Variants in RPH3AL observed in about 807,000 individuals in gnomAD.
RPH3AL encodes the protein rab effector Noc2.
RPH3AL carries 38 observed loss-of-function variants against 43.1 expected under a neutral mutation model. That is an observed-to-expected ratio of 0.88 (90% CI 0.68 to 1.15). The LOEUF (loss-of-function observed/expected upper bound fraction) is 1.15, where lower values mean the gene tolerates loss of function less well. Ranked by LOEUF, RPH3AL falls within the 50% of genes most tolerant of loss-of-function variation. RPH3AL has a pLI of 0.00. For missense variants in RPH3AL, 462 were observed against 423.2 expected (o/e 1.09, Z -0.81); for synonymous variants, 189 against 176.3 (o/e 1.07, Z -0.57).
chr17:290,279 A>G lies in RPH3AL; in HGVS notation c.352-8425T>C, dbSNP rs9905901. 0.97 allele frequency among the ~76,000 whole-genome samples: 148,080 copies of G among 152,266 alleles called. 72,133 individuals carry two copies. The highest frequency in any genetic ancestry group is 1 in the Middle Eastern group (294 of 294). On this transcript the variant is annotated intron_variant, in intron 5 of 9. Transcript: ENST00000331302. This position sits in a 1 kb window ranked among gnomAD's most constrained non-coding sequence, Gnocchi z 4.2. ...AACCAGGGAGAGCCACACAGCGGGCAAGTGTCCGAGGAGGTGGGGTGGTGG... is the reference window on the plus strand; with the variant it reads ...AACCAGGGAGAGCCACACAGCGGGCGAGTGTCCGAGGAGGTGGGGTGGTGG...
At chr17:335,034 G>A (rs1226888425) in intron 1 of RPH3AL, among the ~76,000 whole-genome samples, 1 of 152,228 alleles carries the variant, frequency 6.6e-6, no homozygotes, top group Non-Finnish European at 1.5e-5. Context: ...GACTCCTAGG[G>A]TGTGGCACGA....
At chr17:248,594 G>T (rs555987393) in intron 6 of RPH3AL, among the ~76,000 whole-genome samples, 1 of 152,304 alleles carries the variant, frequency 6.6e-6, no homozygotes, top group African/African-American at 2.4e-5. Flanking sequence ...AACTCACAGG[G>T]TGGGAGGTGC....
chr17:331,881 C>T, intron 2 of RPH3AL: 1 of 1,288,840 alleles, frequency 7.8e-7, no homozygotes, highest in Non-Finnish European at 1.0e-6. Context: ...GACCATTTGT[C>T]CTGGACAAAA....
chr17:280,586 T>G (rs1013920520), intron 6 of RPH3AL, among the ~76,000 whole-genome samples: 2 of 152,128 alleles, frequency 1.3e-5, no homozygotes, highest in Non-Finnish European at 1.5e-5. Flanking sequence ...AACGGACTAT[T>G]ATCACACAGG....
At chr17:310,796 G>T (rs1270228679) in intron 5 of RPH3AL, among the ~76,000 whole-genome samples, 2 of 152,162 alleles carry the variant, frequency 1.3e-5, no homozygotes, top group Non-Finnish European at 2.9e-5. Flanking sequence ...GGAAGGGATG[G>T]CATCGTCTCT....
At chr17:348,204 GGA>G (rs1049612445) in intron 1 of RPH3AL, among the ~76,000 whole-genome samples, 1 of 152,044 alleles carries the variant, frequency 6.6e-6, no homozygotes, top group Non-Finnish European at 1.5e-5. Context: ...GCCAAACTAT[GGA>G]GACAGTAAAA....
chr17:286,861 G>C (rs983021286), intron 5 of RPH3AL, among the ~76,000 whole-genome samples: 2 of 151,724 alleles, frequency 1.3e-5, no homozygotes, highest in Admixed American at 1.3e-4. Flanking sequence ...AAGCTTCTGG[G>C]CCTAACCCAG....
At chr17:252,694 C>T (rs144843542) in intron 6 of RPH3AL, among the ~76,000 whole-genome samples, 1 of 152,322 alleles carries the variant, frequency 6.6e-6, no homozygotes, top group East Asian at 1.9e-4. Context: ...CAGCCCAGTG[C>T]TCGGTTATTG....
intron 6 of RPH3AL, among the ~76,000 whole-genome samples, chr17:269,660 C>T (rs1328977496): frequency 6.6e-6 from 1 of 152,228 alleles, no homozygotes; most frequent in Non-Finnish European, 1.5e-5. Flanking sequence ...GGACAATGGG[C>T]TCCCGTGGGG....
chr17:217,562 C>T (rs2040839465), intron 8 of RPH3AL, among the ~76,000 whole-genome samples: 1 of 58,770 alleles, frequency 1.7e-5, no homozygotes, highest in Admixed American at 1.5e-4. Context: ...CATTTCGTTC[C>T]CATCTGGGGC....
chr17:304,616 C>G (rs886664190), intron 5 of RPH3AL, among the ~76,000 whole-genome samples: 4 of 152,032 alleles, frequency 2.6e-5, no homozygotes, highest in Admixed American at 6.5e-5. Context: ...TAGGCTGTCA[C>G]GACGATTCCA....
At chr17:229,329 T>C (rs912175325) in intron 7 of RPH3AL, among the ~76,000 whole-genome samples, 8 of 152,204 alleles carry the variant, frequency 5.3e-5, no homozygotes, top group African/African-American at 1.9e-4. Context: ...CACTGCTGGG[T>C]TTTGGGCAAA....
Position 322,009 on chromosome 17 carries a change from G to C in RPH3AL, c.78-594C>G, listed in dbSNP as rs375580372. On this transcript the variant is annotated intron_variant, in intron 3 of 9. Transcript: ENST00000331302. The surrounding 1 kb of genome is among the most constrained non-coding windows in gnomAD (Gnocchi z 4.0). ...ACGGAGTTCACCAGGGGACAGGAAA[G>C]CCATGTAATTAGGGTGAAGACACAG... Among the ~76,000 whole-genome samples, 8 of 152,224 alleles carry C rather than the reference G, an allele frequency of 5.3e-5. No homozygotes were observed. The highest frequency in any genetic ancestry group is 5.2e-4 in the Admixed American group (8 of 15,286).
In RPH3AL at chr17:323,177, G is replaced by C. The variant is rs1339840933; in HGVS notation, c.78-1762C>G. On this transcript the variant is annotated intron_variant, in intron 3 of 9. Coordinates refer to ENST00000331302, the MANE Select transcript of RPH3AL (RefSeq NM_006987.4). The surrounding 1 kb of genome is among the most constrained non-coding windows in gnomAD (Gnocchi z 4.4). ...AGGAGGGAGGCGGGTTCAGGCAGAG[G>C]AGATCACACACGAAAGGCAGGGGGC... 6.6e-6 allele frequency among the ~76,000 whole-genome samples: 1 copy of C among 152,044 alleles called. No homozygotes were observed. Among genetic ancestry groups the C allele is most frequent in the Non-Finnish European group, 1.5e-5 (1 of 68,006 alleles).
chr17:309,573 G>T lies in RPH3AL; in HGVS notation c.351+9847C>A, dbSNP rs1391741963. ...GGGTCCGGGATATGGCACGTCCCCT[G>T]CCCTGCCCCAGGCTCCTGCCAGCCT... On this transcript the variant is annotated intron_variant, in intron 5 of 9. Transcript: ENST00000331302. 3.0e-5 allele frequency among the ~76,000 whole-genome samples: 2 copies of T among 67,068 alleles called. 1 individual carries two copies. The highest frequency in any genetic ancestry group is 7.0e-5 in the Non-Finnish European group (2 of 28,674). The allele number at this position is 67,068 out of a possible 152,430, so 44.0% of individuals were successfully genotyped here.
intron 7 of RPH3AL, among the ~76,000 whole-genome samples, chr17:238,526 G>A (rs906886840): frequency 1.3e-5 from 2 of 152,134 alleles, no homozygotes; most frequent in South Asian, 2.1e-4. Context: ...CGCCTTTATC[G>A]TTCTTCCTTT....
intron 6 of RPH3AL, among the ~76,000 whole-genome samples, chr17:271,411 TG>T (rs1194188444): frequency 6.6e-6 from 1 of 152,238 alleles, no homozygotes; most frequent in Non-Finnish European, 1.5e-5. Flanking sequence ...TCCATGAGCA[TG>T]GAATGTTCTT....
intron 5 of RPH3AL, among the ~76,000 whole-genome samples, chr17:315,683 G>GCCCC (rs2044039464): frequency 6.9e-6 from 1 of 145,454 alleles, no homozygotes; most frequent in Non-Finnish European, 1.5e-5. Flanking sequence ...TAGTCCCTGT[G>GCCCC]ACCCCACCTC....
chr17:311,005 T>A (rs930991492), intron 5 of RPH3AL, among the ~76,000 whole-genome samples: 1 of 151,918 alleles, frequency 6.6e-6, no homozygotes, highest in African/African-American at 2.4e-5. Context: ...ACGCAGTTCA[T>A]CTCCCGAAAG....
Sources: gnomAD v4.1 joint callset for allele counts (sites outside exome capture counted in the v4.1 genomes callset) on GRCh38, gnomAD v4.1.1 for gene constraint, Gnocchi (gnomAD v3.1) non-coding constraint, MANE v1.5 for transcripts, NCBI Gene and HGNC (gene_info 2026-07-23, HGNC 2026-07-21) for gene names.